MYLK: variants seen among roughly 807,000 people sequenced by gnomAD.
The protein encoded by MYLK is myosin light chain kinase.
A neutral mutation model predicts 203.4 loss-of-function variants in MYLK; 106 were observed. The ratio of observed to expected loss-of-function variants is 0.52; its 90% CI spans 0.45 to 0.61. The LOEUF is 0.61. Among genes scored for constraint, MYLK ranks in the 20% least tolerant of loss-of-function variants. The pLI is 0.00. For synonymous variants in MYLK, 867 were observed against 959.5 expected, an observed-to-expected ratio of 0.90 and a Z score of 1.78; for missense variants, 2,072 against 2,442.3, an observed-to-expected ratio of 0.85 and a Z score of 3.20.
At chr3:123,734,243 G>T in intron 9 of MYLK, 21 bp from the exon 10 acceptor site, 3 of 1,447,010 alleles carry the variant, frequency 2.1e-6, no homozygotes, top group South Asian at 1.4e-5. Flanking sequence ...GTGAGGGTGG[G>T]GGTAGGGTGG....
chr3:123,743,930 T>C (rs537743439), intron 5 of MYLK, among the ~76,000 whole-genome samples: 1 of 152,336 alleles, frequency 6.6e-6, no homozygotes, highest in South Asian at 2.1e-4. Flanking sequence ...TTAATAATCA[T>C]GCCAGGATAG....
At chr3:123,847,661 T>C (rs965993174) in intron 2 of MYLK, among the ~76,000 whole-genome samples, 1 of 152,148 alleles carries the variant, frequency 6.6e-6, no homozygotes, top group African/African-American at 2.4e-5. Flanking sequence ...TTTCTGTATG[T>C]AATAGATTAT....
intron 3 of MYLK, among the ~76,000 whole-genome samples, chr3:123,825,866 A>T (rs1577076124): frequency 6.6e-6 from 1 of 152,036 alleles, no homozygotes; most frequent in Non-Finnish European, 1.5e-5. Flanking sequence ...CCTGGGGAAA[A>T]CCCACCCTTG....
chr3:123,627,105 T>C (rs1358446621), intron 30 of MYLK, among the ~76,000 whole-genome samples, 164 bp from the exon 31 acceptor site: 2 of 152,164 alleles, frequency 1.3e-5, no homozygotes, highest in Non-Finnish European at 2.9e-5. Context: ...CTCTTCACCT[T>C]TCTCCTCACT....
Position 123,733,122 on chromosome 3 carries a change from A to T in MYLK, c.1310-20T>A. 3 of 1,610,786 alleles carry T rather than the reference A, an allele frequency of 1.9e-6. No individual in the cohort carries two copies. Among genetic ancestry groups the T allele is most frequent in the Non-Finnish European group, 2.5e-6 (3 of 1,178,502 alleles). On this transcript the variant is annotated intron_variant, in intron 10 of 33. Transcript: ENST00000360304. ...CGGAAACTACAGGGCCAGGTAAAGAACGTGAGCTCCCTATGCCCTGGAGAG... is the reference window on the plus strand; with the variant it reads ...CGGAAACTACAGGGCCAGGTAAAGATCGTGAGCTCCCTATGCCCTGGAGAG...
chr3:123,682,755 G>A (rs775091392), intron 19 of MYLK, among the ~76,000 whole-genome samples: 5 of 152,164 alleles, frequency 3.3e-5, no homozygotes, highest in South Asian at 2.1e-4. Flanking sequence ...TAGAGGTGGC[G>A]CACAGCTTCT....
At chr3:123,692,912 G>A (rs1366740262) in intron 18 of MYLK, 61 bp from the exon 19 acceptor site, 2 of 1,427,252 alleles carry the variant, frequency 1.4e-6, no homozygotes, top group Non-Finnish European at 2.0e-6. Flanking sequence ...CTGGCATCTG[G>A]AGCGCAGCAG....
chr3:123,745,026 T>C (rs1028458563), intron 5 of MYLK, among the ~76,000 whole-genome samples: 2 of 152,346 alleles, frequency 1.3e-5, no homozygotes, highest in East Asian at 3.9e-4. Flanking sequence ...TTTCATTTAG[T>C]AGAAAATTTG....
In MYLK at chr3:123,629,647, C is replaced by T; in HGVS notation, c.4962-21G>A. ...TGACTCTGGAGAGACAAGAGCAGGACAGCAGGTGTGGCTAGGAGAGGGCGC... is the reference window on the plus strand; with the variant it reads ...TGACTCTGGAGAGACAAGAGCAGGATAGCAGGTGTGGCTAGGAGAGGGCGC... On this transcript the variant is annotated intron_variant, in intron 29 of 33. Transcript: ENST00000360304. This position sits in a 1 kb window ranked among gnomAD's most constrained non-coding sequence, Gnocchi z 4.4. The T allele has an allele frequency of 1.2e-6, 2 of 1,613,236 alleles. No homozygotes were observed. The highest frequency in any genetic ancestry group is 1.7e-6 in the Non-Finnish European group (2 of 1,180,002).
Position 123,700,863 on chromosome 3 carries a change from C to T in MYLK, c.2605G>A (p.Val869Met), listed in dbSNP as rs749162097. 1.5e-5 allele frequency: 25 copies of T among 1,613,652 alleles called. No homozygotes were observed. The highest frequency in any genetic ancestry group is 1.8e-5 in the Non-Finnish European group (21 of 1,180,020). The change falls in exon 18 of 34, where the codon GTG becomes ATG. Residue 869 changes from valine (V) to methionine (M), a missense_variant. This residue lies in a region of MYLK where 865 missense variants were observed against 1,016.0 expected (regional missense o/e 0.85). Transcript: ENST00000360304. ...ACGCGCCTCTTCAGCACCCCTCGCA[C>T]GTCCTCGCCGTCTTCCTCCTCTAGC... is the stretch of plus-strand genomic sequence containing the variant. ...GWLEEEDGED[V>M]RGVLKRRVET...
At chr3:123,796,984 G>A (rs897534129) in intron 3 of MYLK, among the ~76,000 whole-genome samples, 2 of 152,070 alleles carry the variant, frequency 1.3e-5, no homozygotes, top group African/African-American at 4.8e-5. Flanking sequence ...GCATTATTTA[G>A]GACAGAAGAT....
In MYLK at chr3:123,884,286, C is replaced by G. The variant is rs937721022; in HGVS notation, c.-266G>C. On this transcript the variant is annotated 5_prime_UTR_variant, in exon 1 of 34. Transcript: ENST00000360304. ...GGCCGCAGGCGCACAGCGCGGGCTC[C>G]GAGCTCGCTCAGCGCCCTGCTGCCG... 2.0e-5 allele frequency: 3 copies of G among 147,734 alleles called. No homozygotes were observed. The highest frequency in any genetic ancestry group is 3.0e-5 in the Non-Finnish European group (2 of 66,548). 9.2% of individuals were successfully genotyped at this position (147,734 alleles called of 1,614,324 possible). A position where few individuals can be genotyped will look rare whatever the true frequency, so the allele number is the denominator to read the frequency against.
chr3:123,644,027 A>G (rs949202401), intron 27 of MYLK, among the ~76,000 whole-genome samples: 7 of 152,238 alleles, frequency 4.6e-5, no homozygotes, highest in African/African-American at 1.2e-4. Flanking sequence ...CAGACCAACT[A>G]CTATATGGTG....
At chr3:123,756,402 C>G (rs1252832162) in intron 4 of MYLK, among the ~76,000 whole-genome samples, 2 of 152,136 alleles carry the variant, frequency 1.3e-5, no homozygotes, top group Non-Finnish European at 2.9e-5. Flanking sequence ...CTAAGACACC[C>G]CTAGGAGAGT....
chr3:123,640,110 G>C lies in MYLK; in HGVS notation c.4837+177C>G, dbSNP rs1268700166. Reference sequence around the variant, plus strand: ...TACTATGATCCCACTTTTCTGATGGGGAATTTGAGGCTTACTGTCACGTCT... The same window carrying C: ...TACTATGATCCCACTTTTCTGATGGCGAATTTGAGGCTTACTGTCACGTCT... On this transcript the variant is annotated intron_variant, in intron 28 of 33. Transcript: ENST00000360304. The surrounding 1 kb of genome is among the most constrained non-coding windows in gnomAD (Gnocchi z 4.3). 1.3e-5 allele frequency among the ~76,000 whole-genome samples: 2 copies of C among 151,854 alleles called. No individual in the cohort carries two copies. The highest frequency in any genetic ancestry group is 4.9e-5 in the African/African-American group (2 of 41,224).
chr3:123,749,115 A>ATACC (rs1306775943), intron 5 of MYLK, among the ~76,000 whole-genome samples: 1 of 150,602 alleles, frequency 6.6e-6, no homozygotes, highest in Non-Finnish European at 1.5e-5. Flanking sequence ...ACATACATAC[A>ATACC]TACAAATACA....
chr3:123,701,485 G>C lies in MYLK; in HGVS notation c.2415C>G (p.Cys805Trp), dbSNP rs372019566. 5.0e-6 allele frequency: 8 copies of C among 1,613,954 alleles called. No individual in the cohort carries two copies. Among genetic ancestry groups the C allele is most frequent in the Non-Finnish European group, 6.8e-6 (8 of 1,180,032 alleles). The change falls in exon 17 of 34, where the codon TGC (cysteine) becomes TGG (tryptophan). Residue 805 changes from cysteine (C) to tryptophan (W), a missense_variant. Coordinates refer to ENST00000360304, the MANE Select transcript of MYLK (RefSeq NM_053025.4). ...LLKNRVGECSCQVSLMLQNSS... is the reference protein window; with the variant it reads ...LLKNRVGECSWQVSLMLQNSS... The stretch of plus-strand genomic sequence containing the variant: ...TGTTCTGTAGCATCAGTGACACCTG[G>C]CAACTGCATTCGCCAACCCGGTTCC...
chr3:123,805,352 C>A (rs1305411121), intron 3 of MYLK, among the ~76,000 whole-genome samples: 2 of 152,186 alleles, frequency 1.3e-5, no homozygotes, highest in Non-Finnish European at 2.9e-5. Context: ...AGTTTTACTT[C>A]CATCCTTGGT....
intron 3 of MYLK, among the ~76,000 whole-genome samples, chr3:123,807,289 T>C (rs1202004869): frequency 6.6e-6 from 1 of 151,832 alleles, no homozygotes; most frequent in Admixed American, 6.6e-5. Context: ...GTCAGCTGGG[T>C]GTGGTGGCAG....
Sources: gnomAD v4.1 joint callset for allele counts (sites outside exome capture counted in the v4.1 genomes callset) on GRCh38, gnomAD v4.1.1 for gene constraint, gnomAD v4.1.1 regional missense constraint, Gnocchi (gnomAD v3.1) non-coding constraint, MANE v1.5 for transcripts, NCBI Gene and HGNC (gene_info 2026-07-23, HGNC 2026-07-21) for gene names.